POU6F2: variants seen among roughly 807,000 people sequenced by gnomAD.
The protein encoded by POU6F2 is POU domain, class 6, transcription factor 2.
A neutral mutation model predicts 71.3 loss-of-function variants in POU6F2; 31 were observed. The ratio of observed to expected loss-of-function variants is 0.43; its 90% CI spans 0.33 to 0.59. POU6F2 has a LOEUF of 0.59. POU6F2 is among the 20% of genes least tolerant of loss of function. The probability of loss-of-function intolerance (pLI) is 0.04; values close to 1 mark genes in which losing one functional copy is unlikely to be tolerated. For missense variants in POU6F2, 783 were observed against 856.8 expected (o/e 0.91, Z 1.07); for synonymous variants, 347 against 355.7 (o/e 0.98, Z 0.27).
chr7:39,015,353 T>G (rs1448320725), intron 1 of POU6F2, among the ~76,000 whole-genome samples: 1 of 134,172 alleles, frequency 7.5e-6, no homozygotes, highest in Non-Finnish European at 1.5e-5. Flanking sequence ...TAATAATAGA[T>G]ATATATTATA....
At chr7:39,015,664 A>AT (rs1789471630) in intron 1 of POU6F2, among the ~76,000 whole-genome samples, 1 of 67,866 alleles carries the variant, frequency 1.5e-5, no homozygotes, top group Non-Finnish European at 2.8e-5. Flanking sequence ...TATTATATAT[A>AT]GATATATTAT....
At position 38,980,897 on chromosome 7, in the gene POU6F2, T is replaced by C. The variant is rs75378855; in HGVS notation, c.105+2839T>C. ...GAGTAGACTTTTCTGTTTCTGGCCA[T>C]GATCCAGCTCAGGACACAGCGCTGG... On this transcript the variant is annotated intron_variant, in intron 1 of 9. Coordinates refer to ENST00000518318, the MANE Select transcript of POU6F2 (RefSeq NM_001370959.1). Among the ~76,000 whole-genome samples the C allele has an allele frequency of 6.9e-3, 1,056 of 152,276 alleles. 10 individuals carry two copies. Among genetic ancestry groups the C allele is most frequent in the African/African-American group, 0.023 (945 of 41,546 alleles).
At chr7:39,149,571 C>T (rs1469763640) in intron 2 of POU6F2, among the ~76,000 whole-genome samples, 1 of 152,098 alleles carries the variant, frequency 6.6e-6, no homozygotes, top group Non-Finnish European at 1.5e-5. Flanking sequence ...TAATACAGGA[C>T]AACTTTATTA....
chr7:39,065,256 C>T (rs1032106298), intron 1 of POU6F2, among the ~76,000 whole-genome samples: 1 of 151,590 alleles, frequency 6.6e-6, no homozygotes, highest in African/African-American at 2.4e-5. Flanking sequence ...AAAAACCCTC[C>T]ACTAAATTTA....
intron 1 of POU6F2, among the ~76,000 whole-genome samples, chr7:39,035,076 ATG>A (rs1790028418): frequency 6.6e-6 from 1 of 151,508 alleles, no homozygotes; most frequent in African/African-American, 2.4e-5. Flanking sequence ...TGTATTATAT[ATG>A]TGTGTATATA....
chr7:39,117,928 G>A (rs1024112909), intron 2 of POU6F2, among the ~76,000 whole-genome samples: 6 of 152,166 alleles, frequency 3.9e-5, no homozygotes, highest in African/African-American at 1.4e-4. Flanking sequence ...AAAAACAAAG[G>A]CACTGAGTGA....
intron 2 of POU6F2, among the ~76,000 whole-genome samples, chr7:39,167,342 T>C (rs978648123): frequency 6.6e-6 from 1 of 152,236 alleles, no homozygotes; most frequent in African/African-American, 2.4e-5. Context: ...GTATCCTACA[T>C]AGTACTAGTA....
At position 39,138,958 on chromosome 7, in the gene POU6F2, G is replaced by A. The variant is rs573253422; in HGVS notation, c.277+52927G>A. On this transcript the variant is annotated intron_variant, in intron 2 of 9. Transcript: ENST00000518318. ...AATTTATCACCTGTTGGGAGAGAGA[G>A]CTATCATTCATTGCAGGGTCAGCTT... Among the ~76,000 whole-genome samples, 20 of 152,218 alleles carry A rather than the reference G, an allele frequency of 1.3e-4. No individual in the cohort carries two copies. The East Asian group carries it at 3.7e-3, about 28-fold the overall frequency.
At chr7:39,100,397 C>T (rs926390915) in intron 2 of POU6F2, among the ~76,000 whole-genome samples, 11 of 152,158 alleles carry the variant, frequency 7.2e-5, no homozygotes, top group Admixed American at 5.9e-4. Flanking sequence ...ATCCGTAAAA[C>T]CTAGTTCCTC....
chr7:39,159,535 G>A (rs1466044776), intron 2 of POU6F2, among the ~76,000 whole-genome samples: 1 of 152,150 alleles, frequency 6.6e-6, no homozygotes, highest in East Asian at 1.9e-4. Flanking sequence ...AAACGTACAC[G>A]CATTTCTGCT....
At chr7:39,291,415 G>T (rs1352641635) in intron 4 of POU6F2, among the ~76,000 whole-genome samples, 1 of 152,106 alleles carries the variant, frequency 6.6e-6, no homozygotes, top group Non-Finnish European at 1.5e-5. Context: ...ATTTTAGATG[G>T]CTTCCAGATA....
intron 2 of POU6F2, among the ~76,000 whole-genome samples, chr7:39,180,487 A>G (rs892917179): frequency 3.9e-5 from 6 of 152,158 alleles, no homozygotes; most frequent in African/African-American, 7.2e-5. Context: ...ACACCTGGCC[A>G]CTAATTACTG....
At chr7:39,012,551 G>A (rs1249954452) in intron 1 of POU6F2, among the ~76,000 whole-genome samples, 7 of 152,024 alleles carry the variant, frequency 4.6e-5, no homozygotes, top group Non-Finnish European at 8.8e-5. Flanking sequence ...ATCCAGCTTT[G>A]TTCCGTTGCT....
Position 39,384,524 on chromosome 7 carries a change from A to G in POU6F2, c.973-22076A>G, listed in dbSNP as rs529242750. 4.4e-4 allele frequency among the ~76,000 whole-genome samples: 67 copies of G among 152,102 alleles called. 1 individual carries two copies. The South Asian group carries it at 0.014, about 31-fold the overall frequency. On this transcript the variant is annotated intron_variant, in intron 5 of 9. Transcript: ENST00000518318. ...TAACCAAAGTAAACAAATTTGCCAC[A>G]TGTATTTGCTATAAATTAAAATAAT...
chr7:39,237,622 A>G (rs1794697564), intron 4 of POU6F2, among the ~76,000 whole-genome samples: 2 of 152,094 alleles, frequency 1.3e-5, no homozygotes, highest in Admixed American at 6.6e-5. Context: ...AGGCCTGGAC[A>G]TTTTTATCCA....
At chr7:39,308,482 C>T (rs1390796996) in intron 4 of POU6F2, among the ~76,000 whole-genome samples, 1 of 152,138 alleles carries the variant, frequency 6.6e-6, no homozygotes, top group African/African-American at 2.4e-5. Flanking sequence ...CAGCTCTGGC[C>T]CTACACACTT....
intron 1 of POU6F2, among the ~76,000 whole-genome samples, chr7:39,048,177 G>T (rs139912681): frequency 6.6e-6 from 1 of 151,816 alleles, no homozygotes; most frequent in African/African-American, 2.4e-5. Context: ...TTGCTTTATT[G>T]GTTGTAGGTC....
intron 4 of POU6F2, among the ~76,000 whole-genome samples, chr7:39,286,021 A>G (rs577957675): frequency 3.0e-4 from 45 of 152,350 alleles, no homozygotes; most frequent in African/African-American, 1.0e-3. Flanking sequence ...ATAGGAGTCC[A>G]TGAGCTTCTC....
At chr7:39,175,211 A>T (rs1793304157) in intron 2 of POU6F2, among the ~76,000 whole-genome samples, 1 of 151,842 alleles carries the variant, frequency 6.6e-6, no homozygotes. Flanking sequence ...AACACTGATA[A>T]CTCCACTCCA....
Sources: gnomAD v4.1 joint callset for allele counts (sites outside exome capture counted in the v4.1 genomes callset) on GRCh38, gnomAD v4.1.1 for gene constraint, MANE v1.5 for transcripts, NCBI Gene and HGNC (gene_info 2026-07-23, HGNC 2026-07-21) for gene names.